OTOG: variants seen among roughly 807,000 people sequenced by gnomAD.
OTOG encodes the protein otogelin.
Under a neutral mutation model 313.8 loss-of-function variants are expected in OTOG, and 296 were observed. The observed-to-expected ratio is 0.94, with a 90% CI of 0.86 to 1.04. The LOEUF (loss-of-function observed/expected upper bound fraction) is 1.04. OTOG is among the 50% of genes least tolerant of loss of function. The probability of loss-of-function intolerance (pLI) is 0.00; values close to 1 mark genes in which losing one functional copy is unlikely to be tolerated. For synonymous variants in OTOG, 1,533 were observed against 1,554.9 expected, an observed-to-expected ratio of 0.99 and a Z score of 0.33; for missense variants, 3,948 against 3,840.1, an observed-to-expected ratio of 1.03 and a Z score of -0.74.
intron 30 of OTOG, among the ~76,000 whole-genome samples, chr11:17,597,685 AG>A (rs1275707438): frequency 6.6e-6 from 1 of 152,270 alleles, no homozygotes; most frequent in Non-Finnish European, 1.5e-5. Flanking sequence ...AATATTTAAA[AG>A]ATGAAAGAAA....
chr11:17,617,860 T>C (rs78713139), intron 39 of OTOG, among the ~76,000 whole-genome samples: 1,752 of 152,216 alleles, frequency 0.012, 34 homozygotes, highest in African/African-American at 0.04. Context: ...CTCTTCTTTT[T>C]CTAGTTTGTT....
chr11:17,578,527 G>C lies in OTOG; in HGVS notation c.2759+1G>C. 1.3e-6 allele frequency: 2 copies of C among 1,530,818 alleles called. No individual in the cohort carries two copies. The highest frequency in any genetic ancestry group is 1.7e-6 in the Non-Finnish European group (2 of 1,143,606). 94.8% of individuals were successfully genotyped at this position (1,530,818 alleles called of 1,614,324 possible). ...TCTCGGGCTGCGCCTGTCCCCAGGG[G>C]TAAGTACCCATGGTGTCGTGGGCCC... On this transcript the variant is annotated splice_donor_variant, in intron 23 of 55. Transcript: ENST00000399397. LOFTEE classifies it high-confidence loss of function.
intron 23 of OTOG, among the ~76,000 whole-genome samples, chr11:17,581,612 T>C (rs1852669043): frequency 6.6e-6 from 1 of 152,230 alleles, no homozygotes; most frequent in South Asian, 2.1e-4. Flanking sequence ...TTTTTTCCTT[T>C]TAGGAAGTGT....
intron 17 of OTOG, among the ~76,000 whole-genome samples, chr11:17,571,049 C>T (rs977270305): frequency 4.6e-5 from 7 of 152,180 alleles, no homozygotes; most frequent in Admixed American, 2.0e-4. Context: ...AGATCCTGGC[C>T]AGTCCTTGGA....
rs1401646180 is a variant in OTOG at position 17,613,195 on chromosome 11, T to TTTCTTTC, written c.6439-415_6439-414insCTTTCTT. ...TTTTCTTTCTTTCTTTCTTTCTTTC[T>TTTCTTTC]TTTCTTTCTTTCTTTCTTTCTTTCT... On this transcript the variant is annotated intron_variant, in intron 38 of 55. Coordinates refer to ENST00000399397, the MANE Select transcript of OTOG (RefSeq NM_001292063.2). Among the ~76,000 whole-genome samples, 405 of 65,340 alleles carry TTTCTTTC rather than the reference T, an allele frequency of 6.2e-3. 4 individuals are homozygous for TTTCTTTC. The highest frequency in any genetic ancestry group is 0.012 in the South Asian group (21 of 1,748). The allele number at this position is 65,340 out of a possible 152,430, so 42.9% of individuals were successfully genotyped here.
intron 15 of OTOG, among the ~76,000 whole-genome samples, chr11:17,564,382 T>C (rs1018084423): frequency 2.0e-5 from 3 of 152,182 alleles, no homozygotes; most frequent in Non-Finnish European, 4.4e-5. Flanking sequence ...GAAGTGGCAT[T>C]TGGGCTGAGT....
At chr11:17,591,419 C>T in intron 24 of OTOG, 31 bp from the exon 25 acceptor site, 1 of 1,549,908 alleles carries the variant, frequency 6.5e-7, no homozygotes, top group Non-Finnish European at 8.7e-7. Context: ...TGGGTGTGCC[C>T]TGTGATCTGG....
chr11:17,603,461 G>A (rs1853303785), intron 32 of OTOG, among the ~76,000 whole-genome samples: 1 of 152,140 alleles, frequency 6.6e-6, no homozygotes, highest in South Asian at 2.1e-4. Flanking sequence ...TTTCCACTAG[G>A]TTTATGGGCA....
intron 23 of OTOG, among the ~76,000 whole-genome samples, chr11:17,579,192 G>A (rs1229534166): frequency 1.3e-5 from 2 of 152,202 alleles, no homozygotes; most frequent in African/African-American, 2.4e-5. Context: ...CTTGGCAACA[G>A]CCGGCTGTGC....
chr11:17,612,563 G>A, intron 37 of OTOG, 57 bp from the exon 38 acceptor site: 2 of 1,506,000 alleles, frequency 1.3e-6, no homozygotes, highest in East Asian at 2.5e-5. Context: ...ATCTTCCTAG[G>A]CGGCCTTGGT....
In OTOG at chr11:17,573,347, T is replaced by G. The variant is rs1852448266; in HGVS notation, c.2293+57T>G. 5.5e-6 allele frequency: 8 copies of G among 1,459,036 alleles called. No homozygotes were observed. The East Asian group carries it at 1.7e-4, about 32-fold the overall frequency. The allele number at this position is 1,459,036 out of a possible 1,614,324, so 90.4% of individuals were successfully genotyped here. ...GAGGAGCCAGAGCTCCAGACCTGAG[T>G]GTCCCCTGCCCCTGAAAGTCTCCAC... On this transcript the variant is annotated intron_variant, in intron 19 of 55. Transcript: ENST00000399397.
At chr11:17,633,588 C>T (rs1225686132) in intron 42 of OTOG, 92 bp from the exon 43 acceptor site, 6 of 1,211,624 alleles carry the variant, frequency 5.0e-6, no homozygotes, top group African/African-American at 4.6e-5. Flanking sequence ...ACACTCTGAG[C>T]CCTCTCCTCA....
intron 41 of OTOG, 68 bp from the exon 42 acceptor site, chr11:17,632,019 GA>G (rs1252918492): frequency 1.3e-6 from 2 of 1,540,918 alleles, no homozygotes; most frequent in African/African-American, 1.4e-5. Context: ...TTTGGGCAGG[GA>G]GGGGAGGAGC....
In OTOG at chr11:17,573,139, G is replaced by A. The variant is rs1489957419; in HGVS notation, c.2142G>A (p.Ala714=). 2.4e-5 allele frequency: 37 copies of A among 1,546,580 alleles called. No homozygotes were observed. The highest frequency in any genetic ancestry group is 2.5e-5 in the Non-Finnish European group (29 of 1,146,946). ...LTGEMFAPCS[A]FLSPVPYFEQ... ...GGGAGATGTTTGCGCCCTGCTCTGC[G>A]TTCCTGAGCCCCGTGCCCTACTTTG... The change falls in exon 19 of 56, where the codon GCG becomes GCA. Residue 714 remains alanine (A), a synonymous_variant. Transcript: ENST00000399397.
rs541620021 is a variant in OTOG at position 17,635,029 on chromosome 11, G to T, written c.7586-51G>T. On this transcript the variant is annotated intron_variant, in intron 45 of 55. Coordinates refer to ENST00000399397, the MANE Select transcript of OTOG (RefSeq NM_001292063.2). ...ACAGCTCTGGGGGCAGGGGCCCAGGGGTGGCCAGGCAGGTTCCTCTCCCAG... is the reference window on the plus strand; with the variant it reads ...ACAGCTCTGGGGGCAGGGGCCCAGGTGTGGCCAGGCAGGTTCCTCTCCCAG... The T allele has an allele frequency of 2.5e-5, 38 of 1,535,324 alleles. No individual in the cohort carries two copies. In the African/African-American group the frequency reaches 4.3e-4, roughly 17 times the overall value.
intron 53 of OTOG, among the ~76,000 whole-genome samples, chr11:17,642,815 A>G (rs1446095712): frequency 1.3e-5 from 2 of 152,164 alleles, no homozygotes; most frequent in Non-Finnish European, 2.9e-5. Context: ...ACTCTTCCCT[A>G]GAAAACAAAT....
At chr11:17,593,844 A>T in intron 27 of OTOG, 88 bp downstream of exon 27, 2 of 1,477,006 alleles carry the variant, frequency 1.4e-6, no homozygotes, top group Non-Finnish European at 1.8e-6. Flanking sequence ...CTCCCTGAGG[A>T]GCCAAGAAGA....
chr11:17,611,368 G>A lies in OTOG; in HGVS notation c.6068G>A (p.Gly2023Asp). ...RSAPALSIVEGLAEALATTTE... is the reference protein window; with the variant it reads ...RSAPALSIVEDLAEALATTTE... Reference sequence around the variant, plus strand: ...GCCCCAGCCCTGAGCATCGTAGAGGGTTTGGCGGAGGCTTTGGCAACTACC... The same window carrying A: ...GCCCCAGCCCTGAGCATCGTAGAGGATTTGGCGGAGGCTTTGGCAACTACC... Residue 2023 changes from glycine to aspartate, a missense_variant, in exon 36 of 56, where the codon GGT becomes GAT. Gly to Asp is a moderately conservative substitution (Grantham distance 94, BLOSUM62 -1). Transcript: ENST00000399397. 6.5e-7 allele frequency: 1 copy of A among 1,545,722 alleles called. No individual in the cohort carries two copies. The highest frequency in any genetic ancestry group is 8.7e-7 in the Non-Finnish European group (1 of 1,143,402).
rs147071348 is a variant in OTOG, at chr11:17,551,242, C to T, written c.217-758C>T. Among the ~76,000 whole-genome samples the T allele has an allele frequency of 3.9e-4, 59 of 152,272 alleles. 1 individual carries two copies. The South Asian group carries it at 6.2e-3, about 16-fold the overall frequency. Reference sequence around the variant, plus strand: ...GATGCCGGTTCCAGGTGACATTAGACGTCTCGGACTGGAGTTCTGAGAGGG... The same window carrying T: ...GATGCCGGTTCCAGGTGACATTAGATGTCTCGGACTGGAGTTCTGAGAGGG... On this transcript the variant is annotated intron_variant, in intron 3 of 55. Coordinates refer to ENST00000399397, the MANE Select transcript of OTOG (RefSeq NM_001292063.2).
Sources: allele counts gnomAD v4.1 joint callset (sites outside exome capture counted in the v4.1 genomes callset), GRCh38; gene constraint gnomAD v4.1.1; transcripts MANE v1.5; gene names NCBI Gene and HGNC (gene_info 2026-07-23, HGNC 2026-07-21).